KAZN: variants seen among roughly 807,000 people sequenced by gnomAD.
KAZN encodes the protein kazrin, periplakin interacting protein.
In KAZN, 40 loss-of-function variants were observed where a neutral mutation model predicts 87.4. The observed-to-expected ratio is 0.46, with a 90% confidence interval of 0.36 to 0.60. KAZN has a LOEUF of 0.60. KAZN is among the 20% of genes least tolerant of loss of function. The pLI, the probability that KAZN is intolerant of heterozygous loss-of-function variation, is 0.00. For synonymous variants in KAZN, 466 were observed against 458.3 expected (o/e 1.02, Z -0.22); for missense variants, 898 against 1,073.9 (o/e 0.84, Z 2.29).
intron 1 of KAZN, among the ~76,000 whole-genome samples, chr1:14,027,473 A>T (rs1237823400): frequency 6.6e-6 from 1 of 152,160 alleles, no homozygotes; most frequent in Non-Finnish European, 1.5e-5. Flanking sequence ...GTTAAGTTGC[A>T]TGCCGGCTTC....
chr1:15,048,707 T>G (rs1373380522), intron 4 of KAZN, among the ~76,000 whole-genome samples: 1 of 144,562 alleles, frequency 6.9e-6, no homozygotes, highest in Non-Finnish European at 1.5e-5. Flanking sequence ...TGATCCTTGG[T>G]CGTTGGTCCT....
intron 1 of KAZN, among the ~76,000 whole-genome samples, chr1:13,938,740 A>AC (rs1421025555): frequency 2.6e-5 from 4 of 152,224 alleles, no homozygotes; most frequent in African/African-American, 9.6e-5. Context: ...TTCTGCCTGA[A>AC]CACCCAGGAT....
At chr1:15,067,604 G>A (rs902631463) in intron 8 of KAZN, 5 of 985,326 alleles carry the variant, frequency 5.1e-6, no homozygotes, top group Middle Eastern at 5.2e-4. Flanking sequence ...AAAGAAGCAA[G>A]GAGATTTTCA....
intron 2 of KAZN, among the ~76,000 whole-genome samples, chr1:14,277,418 C>A (rs1652456361): frequency 6.6e-6 from 1 of 152,150 alleles, no homozygotes; most frequent in Admixed American, 6.5e-5. Flanking sequence ...GTAATCCCAG[C>A]ACTTTGGGAG....
In KAZN at chr1:14,984,902, C is replaced by T. The variant is rs1666615649; in HGVS notation, c.418+24027C>T. Among the ~76,000 whole-genome samples the T allele has an allele frequency of 2.0e-5, 3 of 152,090 alleles. No individual in the cohort carries two copies. The South Asian group carries it at 6.2e-4, about 32-fold the overall frequency. On this transcript the variant is annotated intron_variant, in intron 2 of 14. Coordinates refer to ENST00000376030, the MANE Select transcript of KAZN (RefSeq NM_201628.3). Reference sequence around the variant, plus strand: ...CCTGTAATCCCAGCACTTTGGGAGGCCAAGGCGGGCAGATCACGAGGTCAG... The same window carrying T: ...CCTGTAATCCCAGCACTTTGGGAGGTCAAGGCGGGCAGATCACGAGGTCAG...
chr1:14,202,871 A>G (rs1170966465), intron 2 of KAZN, among the ~76,000 whole-genome samples: 2 of 152,084 alleles, frequency 1.3e-5, no homozygotes, highest in African/African-American at 4.8e-5. Flanking sequence ...ATAAAAAGTT[A>G]GCTGGGCATG....
At position 14,369,416 on chromosome 1, in the gene KAZN, G is replaced by A. The variant is rs530006460; in HGVS notation, c.249+188824G>A. On this transcript the variant is annotated intron_variant, in intron 2 of 16. Coordinates refer to the KAZN transcript ENST00000636203. ...AATGCAGCCTCCACGAGAAATCTGT[G>A]GAGAAATCTGTGGAGCTGAAGCTAG... is the stretch of plus-strand genomic sequence containing the variant. Among the ~76,000 whole-genome samples the A allele has an allele frequency of 3.3e-5, 5 of 152,298 alleles. No individual in the cohort carries two copies. In the South Asian group the frequency reaches 6.2e-4, roughly 19 times the overall value.
Position 14,773,806 on chromosome 1 carries a change from C to T in KAZN, c.226+174583C>T, listed in dbSNP as rs1409254643. 2.0e-5 allele frequency among the ~76,000 whole-genome samples: 3 copies of T among 152,182 alleles called. No individual in the cohort carries two copies. Among genetic ancestry groups the T allele is most frequent in the Non-Finnish European group, 2.9e-5 (2 of 68,034 alleles). ...CCTTCCTGGGAGCTGCGGCAGGTCC[C>T]AGCCCAGGCCAGGCCTGCTCTCCTC... On this transcript the variant is annotated intron_variant, in intron 1 of 14. Coordinates refer to ENST00000376030, the MANE Select transcript of KAZN (RefSeq NM_201628.3). The surrounding 1 kb of genome is among the most constrained non-coding windows in gnomAD (Gnocchi z 5.9).
chr1:15,022,355 C>G (rs2102169390), intron 2 of KAZN, among the ~76,000 whole-genome samples: 1 of 152,254 alleles, frequency 6.6e-6, no homozygotes. Flanking sequence ...AGTCACTCTG[C>G]ATGGTTAACC....
intron 1 of KAZN, among the ~76,000 whole-genome samples, chr1:14,862,970 G>T (rs561523734): frequency 6.6e-6 from 1 of 152,196 alleles, no homozygotes; most frequent in African/African-American, 2.4e-5. Context: ...GAAGTTACCC[G>T]CAAAGCTGAG....
chr1:14,871,508 G>T (rs764946264), intron 1 of KAZN, among the ~76,000 whole-genome samples: 8 of 151,900 alleles, frequency 5.3e-5, no homozygotes, highest in Non-Finnish European at 8.8e-5. Flanking sequence ...ATCTCCATAG[G>T]GCGTGCCACA....
rs141489708 is a variant in KAZN at position 14,672,642 on chromosome 1, A to G, written c.226+73419A>G. On this transcript the variant is annotated intron_variant, in intron 1 of 14. Transcript: ENST00000376030. ...ACAAGTTTCAGCAGACACAGAATTT[A>G]TCAAAGGCTGTCAGGGGGCTCACAG... Among the ~76,000 whole-genome samples the G allele has an allele frequency of 5.3e-5, 8 of 152,322 alleles. No homozygotes were observed. In the East Asian group the frequency reaches 1.5e-3, roughly 29 times the overall value.
chr1:14,042,054 A>G (rs9659901), intron 1 of KAZN, among the ~76,000 whole-genome samples: 84,205 of 151,914 alleles, frequency 0.55, 23,651 homozygotes, highest in East Asian at 0.71. Context: ...TATGTCTGGT[A>G]CTGGGAAATT....
chr1:15,063,715 G>A (rs2076563), intron 7 of KAZN, 93 bp downstream of exon 7: 268,011 of 1,002,080 alleles, frequency 0.27, 43,677 homozygotes, highest in East Asian at 0.66. Context: ...CATCCATGCC[G>A]CACACCCAAG....
At chr1:14,361,185 C>T (rs765212430) in intron 2 of KAZN, among the ~76,000 whole-genome samples, 37 of 152,312 alleles carry the variant, frequency 2.4e-4, no homozygotes, top group Middle Eastern at 6.8e-3. Context: ...TGCCAAGCTG[C>T]GGTGTACTCT....
At chr1:14,879,334 TACTC>T (rs1653088596) in intron 1 of KAZN, among the ~76,000 whole-genome samples, 2 of 152,332 alleles carry the variant, frequency 1.3e-5, no homozygotes, top group South Asian at 4.1e-4. Flanking sequence ...TCCTAACAAA[TACTC>T]AATATGTAAT....
At chr1:14,066,548 T>C (rs1643016882) in intron 1 of KAZN, among the ~76,000 whole-genome samples, 1 of 152,220 alleles carries the variant, frequency 6.6e-6, no homozygotes, top group Admixed American at 6.5e-5. Flanking sequence ...CTGTTCATTT[T>C]ATGGTTAGAA....
intron 2 of KAZN, among the ~76,000 whole-genome samples, chr1:14,411,603 A>C (rs1411212412): frequency 6.6e-6 from 1 of 152,218 alleles, no homozygotes; most frequent in Non-Finnish European, 1.5e-5. Flanking sequence ...CTCCCCTGGC[A>C]AGACTAAATT....
At chr1:14,632,106 G>A (rs1679614013) in intron 1 of KAZN, among the ~76,000 whole-genome samples, 1 of 152,194 alleles carries the variant, frequency 6.6e-6, no homozygotes, top group Non-Finnish European at 1.5e-5. Context: ...AGGTTTCTGG[G>A]GGGCTTTGCT....
Sources: allele counts gnomAD v4.1 joint callset (sites outside exome capture counted in the v4.1 genomes callset), GRCh38; gene constraint gnomAD v4.1.1; non-coding constraint Gnocchi (gnomAD v3.1); transcripts MANE v1.5; gene names NCBI Gene and HGNC (gene_info 2026-07-23, HGNC 2026-07-21).